SVIL: variants seen among roughly 807,000 people sequenced by gnomAD.
SVIL encodes the protein archvillin.
SVIL carries 101 observed loss-of-function variants against 240.4 expected under a neutral mutation model. The ratio of observed to expected loss-of-function variants is 0.42; its 90% confidence interval spans 0.36 to 0.50. The LOEUF (loss-of-function observed/expected upper bound fraction) is 0.50. SVIL is among the 20% of genes least tolerant of loss of function. The pLI is 0.01. For synonymous variants in SVIL, 999 were observed against 1,100.0 expected (o/e 0.91, Z 1.82); for missense variants, 2,512 against 2,818.7 (o/e 0.89, Z 2.46).
chr10:29,597,586 G>T (rs770764742), intron 1 of SVIL, among the ~76,000 whole-genome samples: 3 of 152,016 alleles, frequency 2.0e-5, no homozygotes, highest in Non-Finnish European at 4.4e-5. Context: ...TTTTAGTAGA[G>T]ACGGGTTTTT....
Position 29,495,099 on chromosome 10 carries a change from G to A in SVIL, c.3747C>T (p.Pro1249=). The A allele has an allele frequency of 6.3e-7, 1 of 1,599,802 alleles. No individual in the cohort carries two copies. Among genetic ancestry groups the A allele is most frequent in the Admixed American group, 1.7e-5 (1 of 59,586 alleles). The change falls in exon 19 of 38, where the codon CCC becomes CCT. Residue 1249 remains proline, a synonymous_variant. Transcript: ENST00000355867. ...GGGGCCTTGGCGACTTACCTTCCAG[G>A]GGTTTGGAAACGGGTGTGGTGCCTC... The part of the protein sequence containing the change: ...KTRGTTPVSK[P]LEDIEARPDM...
intron 23 of SVIL, 131 bp downstream of exon 23, chr10:29,488,470 C>T: frequency 9.1e-7 from 1 of 1,097,834 alleles, no homozygotes; most frequent in African/African-American, 1.6e-5. Flanking sequence ...TAGCAAGGAA[C>T]ACACAATAAG....
intron 11 of SVIL, 91 bp downstream of exon 11, chr10:29,530,516 C>T: frequency 1.4e-6 from 2 of 1,443,594 alleles, no homozygotes; most frequent in South Asian, 2.3e-5. Flanking sequence ...AAACTCCTGG[C>T]CTCAAGTGAT....
chr10:29,613,316 G>A lies in SVIL; in HGVS notation c.-201+21104C>T, dbSNP rs962065816. On this transcript the variant is annotated intron_variant, in intron 1 of 37. Transcript: ENST00000355867. Reference sequence around the variant, plus strand: ...GGGACCAGAAAGCCATATTTTTCAAGATCTTTATCAAGTATTTTATTTATT... The same window carrying A: ...GGGACCAGAAAGCCATATTTTTCAAAATCTTTATCAAGTATTTTATTTATT... Among the ~76,000 whole-genome samples, 4 of 152,054 alleles carry A rather than the reference G, an allele frequency of 2.6e-5. 1 individual carries two copies. The East Asian group carries it at 7.7e-4, about 29-fold the overall frequency.
chr10:29,523,339 A>G (rs1272454640), intron 15 of SVIL, 112 bp downstream of exon 15: 6 of 945,062 alleles, frequency 6.3e-6, no homozygotes, highest in Non-Finnish European at 7.7e-6. Context: ...AACCAATACT[A>G]GCTGTAAACT....
At chr10:29,629,234 C>T (rs774279125) in intron 1 of SVIL, among the ~76,000 whole-genome samples, 3 of 151,952 alleles carry the variant, frequency 2.0e-5, no homozygotes, top group African/African-American at 4.8e-5. Context: ...AGGTAGAGAG[C>T]GGGAAGGGGT....
intron 27 of SVIL, chr10:29,482,709 G>A (rs1200422576): frequency 6.6e-6 from 1 of 152,376 alleles, no homozygotes; most frequent in East Asian, 1.9e-4. Flanking sequence ...TGTGGCCTTA[G>A]GATTTCAAAA....
chr10:29,483,386 A>C (rs1174525958), intron 27 of SVIL: 8 of 152,200 alleles, frequency 5.3e-5, no homozygotes, highest in Admixed American at 3.3e-4. Context: ...CTGGGTATGT[A>C]ATCCTGGCTG....
chr10:29,580,461 A>G (rs549382367), intron 1 of SVIL, among the ~76,000 whole-genome samples: 2 of 152,330 alleles, frequency 1.3e-5, no homozygotes, highest in East Asian at 3.9e-4. Flanking sequence ...ACACGTATAG[A>G]AGCACTCCAA....
chr10:29,492,155 CG>C (rs1479075340), intron 21 of SVIL, among the ~76,000 whole-genome samples: 11 of 152,102 alleles, frequency 7.2e-5, no homozygotes, highest in Admixed American at 2.0e-4. Context: ...GCACCCCCAT[CG>C]TGGCTCTAAA....
At chr10:29,649,002 C>T (rs1037071673) in intron 3 of SVIL, among the ~76,000 whole-genome samples, 2 of 151,896 alleles carry the variant, frequency 1.3e-5, no homozygotes. Flanking sequence ...ACAAAAAACA[C>T]ATTAAAAATT....
chr10:29,672,362 C>G (rs778723167), intron 2 of SVIL, among the ~76,000 whole-genome samples: 5 of 152,062 alleles, frequency 3.3e-5, no homozygotes, highest in Non-Finnish European at 5.9e-5. Context: ...ATTTCTAAGA[C>G]AATAACCAGA....
At chr10:29,711,197 C>T (rs186758622) in intron 1 of SVIL, among the ~76,000 whole-genome samples, 45 of 151,910 alleles carry the variant, frequency 3.0e-4, no homozygotes, top group Admixed American at 1.5e-3. Context: ...GTCAGGAGTT[C>T]GAGACAAGCC....
chr10:29,472,386 G>A (rs1415867024), intron 30 of SVIL, among the ~76,000 whole-genome samples: 1 of 152,216 alleles, frequency 6.6e-6, no homozygotes, highest in Non-Finnish European at 1.5e-5. Context: ...TCTTGGAACT[G>A]TGGAAGGCTG....
chr10:29,494,904 C>A lies in SVIL; in HGVS notation c.3841+10G>T, dbSNP rs7078977. On this transcript the variant is annotated intron_variant, in intron 20 of 37. Transcript: ENST00000355867. Reference sequence around the variant, plus strand: ...TCTGAGAGCAAAGCCTTCTGGCTTCCAGTAGGTACCTTTGTTATTCAGCCT... The same window carrying A: ...TCTGAGAGCAAAGCCTTCTGGCTTCAAGTAGGTACCTTTGTTATTCAGCCT... 6.2e-7 allele frequency: 1 copy of A among 1,609,190 alleles called. No individual in the cohort carries two copies. The highest frequency in any genetic ancestry group is 2.2e-5 in the East Asian group (1 of 44,858).
At chr10:29,502,024 T>G (rs771437162) in intron 17 of SVIL, among the ~76,000 whole-genome samples, 20 of 152,178 alleles carry the variant, frequency 1.3e-4, no homozygotes, top group Non-Finnish European at 2.1e-4. Context: ...TGGGATTCCC[T>G]CAGAGCCCTT....
chr10:29,463,474 T>C lies in SVIL; in HGVS notation c.6277+18A>G, dbSNP rs368889751. 1.1e-5 allele frequency: 17 copies of C among 1,612,268 alleles called. No homozygotes were observed. Among genetic ancestry groups the C allele is most frequent in the Non-Finnish European group, 1.4e-5 (17 of 1,179,004 alleles). On this transcript the variant is annotated intron_variant, in intron 35 of 37. Coordinates refer to ENST00000355867, the MANE Select transcript of SVIL (RefSeq NM_021738.3). ...CCCCATCTGTTCCGTGCTGCAGGCA[T>C]GTTAGAGGGAGCCTCACCTTTGCAG...
chr10:29,470,463 C>T lies in SVIL; in HGVS notation c.5656G>A (p.Val1886Met), dbSNP rs1406921284. The T allele has an allele frequency of 3.1e-6, 5 of 1,613,786 alleles. No homozygotes were observed. The highest frequency in any genetic ancestry group is 3.3e-5 in the Admixed American group (2 of 60,030). Residue 1886 changes from valine to methionine, a missense_variant, in exon 32 of 38, where the codon GTG becomes ATG. By Grantham distance (21) the Val-to-Met change is conservative (BLOSUM62 1). This residue lies in a region of SVIL where 797 missense variants were observed against 925.3 expected (regional missense o/e 0.86). Transcript: ENST00000355867. ...NVQSEWRLYC[V>M]RGEVPVEGNL... ...CCTTCCACGGGCACCTCTCCACGCA[C>T]GCAGTACAGCCGCCACTCACCTGCA...
At chr10:29,563,750 G>T (rs1421818264) in intron 2 of SVIL, among the ~76,000 whole-genome samples, 1 of 152,074 alleles carries the variant, frequency 6.6e-6, no homozygotes, top group East Asian at 1.9e-4. Context: ...AACAACCAAG[G>T]CATCAAAGCA....
Sources: allele counts gnomAD v4.1 joint callset (sites outside exome capture counted in the v4.1 genomes callset), GRCh38; gene constraint gnomAD v4.1.1; regional missense constraint gnomAD v4.1.1; transcripts MANE v1.5; gene names NCBI Gene and HGNC (gene_info 2026-07-23, HGNC 2026-07-21).